Variants in HDAC9 observed in about 807,000 individuals in gnomAD.
HDAC9 encodes histone deacetylase 9, also known as MEF-2 interacting transcription repressor (MITR) protein.
A neutral mutation model predicts 139.4 loss-of-function variants in HDAC9; 41 were observed. The observed-to-expected ratio is 0.29, with a 90% confidence interval of 0.23 to 0.38. HDAC9 has a LOEUF of 0.38. Among genes scored for constraint, HDAC9 ranks in the 10% least tolerant of loss-of-function variants. The probability of loss-of-function intolerance (pLI) is 1.00; values close to 1 mark genes in which losing one functional copy is unlikely to be tolerated. For synonymous variants in HDAC9, 517 were observed against 476.2 expected, an observed-to-expected ratio of 1.09 and a Z score of -1.12; for missense variants, 1,147 against 1,297.0, an observed-to-expected ratio of 0.88 and a Z score of 1.78.
At chr7:18,406,121 A>G (rs1010739761) in intron 1 of HDAC9, among the ~76,000 whole-genome samples, 4 of 152,232 alleles carry the variant, frequency 2.6e-5, no homozygotes, top group African/African-American at 4.8e-5. Context: ...TCTTAAAAAT[A>G]CTGATAATTC....
chr7:18,495,609 C>T (rs574334486), upstream of HDAC9: 242 of 290,286 alleles, frequency 8.3e-4, no homozygotes, highest in Non-Finnish European at 1.0e-3. Context: ...TCCAATCACT[C>T]GGCCATGCTT....
intron 2 of HDAC9, among the ~76,000 whole-genome samples, chr7:18,573,621 T>A (rs529829204): frequency 2.2e-4 from 34 of 152,252 alleles, no homozygotes; most frequent in Admixed American, 1.8e-3. Context: ...TGTGATTGAG[T>A]GCAGGGTCTA....
intron 2 of HDAC9, among the ~76,000 whole-genome samples, chr7:18,553,566 G>A (rs893505262): frequency 2.0e-5 from 3 of 152,196 alleles, no homozygotes; most frequent in Non-Finnish European, 4.4e-5. Flanking sequence ...CATATTAGGT[G>A]TTAAGCTTCG....
chr7:18,276,836 CAA>C (rs952993165), intron 2 of HDAC9, among the ~76,000 whole-genome samples: 6 of 152,086 alleles, frequency 3.9e-5, no homozygotes, highest in African/African-American at 1.4e-4. Context: ...TTTAATAGGA[CAA>C]TATTTACTAA....
intron 23 of HDAC9, among the ~76,000 whole-genome samples, chr7:18,947,107 C>T (rs890689205): frequency 1.3e-5 from 2 of 151,828 alleles, no homozygotes; most frequent in African/African-American, 4.8e-5. Flanking sequence ...CATGTGAAAA[C>T]TTGTGTGATA....
chr7:18,283,343 C>T (rs1235400053), intron 2 of HDAC9, among the ~76,000 whole-genome samples: 1 of 152,144 alleles, frequency 6.6e-6, no homozygotes, highest in Non-Finnish European at 1.5e-5. Flanking sequence ...GAAGTCCACC[C>T]CCATAATCCA....
intron 1 of HDAC9, among the ~76,000 whole-genome samples, chr7:18,337,642 T>C (rs1381777356): frequency 6.6e-6 from 1 of 151,706 alleles, no homozygotes; most frequent in African/African-American, 2.4e-5. Flanking sequence ...ACTTGCAGCG[T>C]GTGTATGTGC....
At chr7:18,768,877 C>A (rs1357388026) in intron 16 of HDAC9, among the ~76,000 whole-genome samples, 1 of 152,096 alleles carries the variant, frequency 6.6e-6, no homozygotes, top group African/African-American at 2.4e-5. Context: ...TTCTATTTTT[C>A]ACTTTCAATA....
intron 2 of HDAC9, among the ~76,000 whole-genome samples, chr7:18,514,897 T>C (rs971447667): frequency 1.4e-4 from 22 of 152,134 alleles, no homozygotes; most frequent in African/African-American, 5.3e-4. Context: ...AAGTGAGCTA[T>C]GATCATGCCG....
intron 13 of HDAC9, among the ~76,000 whole-genome samples, chr7:18,729,971 C>T (rs1428174756): frequency 6.6e-6 from 1 of 152,104 alleles, no homozygotes; most frequent in African/African-American, 2.4e-5. Context: ...AACTATTGTT[C>T]CGCTAAAGGA....
chr7:18,990,981 G>C (rs924172481), intron 25 of HDAC9, among the ~76,000 whole-genome samples: 3 of 152,222 alleles, frequency 2.0e-5, no homozygotes, highest in Non-Finnish European at 4.4e-5. Context: ...TACCTCAGAT[G>C]GAAATGCAGA....
At chr7:18,586,508 A>G (rs1829503960) in intron 3 of HDAC9, among the ~76,000 whole-genome samples, 1 of 152,138 alleles carries the variant, frequency 6.6e-6, no homozygotes, top group South Asian at 2.1e-4. Context: ...TTACTTGCAT[A>G]TCAAGTACAA....
At chr7:18,910,604 A>G (rs1049407037) in intron 22 of HDAC9, among the ~76,000 whole-genome samples, 8 of 152,018 alleles carry the variant, frequency 5.3e-5, no homozygotes, top group African/African-American at 1.2e-4. Context: ...GAAAGTTAGC[A>G]TCCTTGTATC....
intron 1 of HDAC9, among the ~76,000 whole-genome samples, chr7:18,481,485 C>A (rs948757846): frequency 6.6e-6 from 1 of 152,168 alleles, no homozygotes; most frequent in African/African-American, 2.4e-5. Context: ...TACAACACCA[C>A]TATAAACTGC....
chr7:18,851,830 C>G lies in HDAC9; in HGVS notation c.2684+15833C>G, dbSNP rs563526838. ...TGAAAGCAAACCATTTTCCGTTTTTCTTTCTTTTACGGAAACATCCAATCA... is the reference window on the plus strand; with the variant it reads ...TGAAAGCAAACCATTTTCCGTTTTTGTTTCTTTTACGGAAACATCCAATCA... On this transcript the variant is annotated intron_variant, in intron 21 of 25. Transcript: ENST00000686413. Among the ~76,000 whole-genome samples, 3 of 152,274 alleles carry G rather than the reference C, an allele frequency of 2.0e-5. No individual in the cohort carries two copies. The South Asian group carries it at 6.2e-4, about 32-fold the overall frequency.
At chr7:18,685,536 G>A (rs1782209190) in intron 12 of HDAC9, among the ~76,000 whole-genome samples, 1 of 152,002 alleles carries the variant, frequency 6.6e-6, no homozygotes, top group Non-Finnish European at 1.5e-5. Flanking sequence ...TTATCAGGAA[G>A]ACAGACCAAT....
At chr7:18,547,692 T>A (rs1586908773) in intron 2 of HDAC9, among the ~76,000 whole-genome samples, 1 of 152,232 alleles carries the variant, frequency 6.6e-6, no homozygotes, top group South Asian at 2.1e-4. Context: ...TCAATGCTTC[T>A]CAAACCCTGC....
chr7:18,471,139 T>A (rs1794692150), intron 1 of HDAC9, among the ~76,000 whole-genome samples: 1 of 152,156 alleles, frequency 6.6e-6, no homozygotes, highest in South Asian at 2.1e-4. Flanking sequence ...ATGGAAATGC[T>A]GAAAGAACAA....
intron 11 of HDAC9, among the ~76,000 whole-genome samples, chr7:18,665,728 G>A (rs1165739379): frequency 6.6e-6 from 1 of 151,868 alleles, no homozygotes; most frequent in Non-Finnish European, 1.5e-5. Context: ...CTCTGTATAG[G>A]TACAAGAAAA....
Sources: gnomAD v4.1 joint callset for allele counts (sites outside exome capture counted in the v4.1 genomes callset) on GRCh38, gnomAD v4.1.1 for gene constraint, MANE v1.5 for transcripts, NCBI Gene and HGNC (gene_info 2026-07-23, HGNC 2026-07-21) for gene names.